The following PTH2R variants were observed in gnomAD, a reference collection of about 807,000 sequenced individuals.
The protein encoded by PTH2R is parathyroid hormone 2 receptor, also known as PTH2 receptor.
Under a neutral mutation model 60.3 loss-of-function variants are expected in PTH2R, and 59 were observed. That is an observed-to-expected ratio of 0.98 (90% confidence interval 0.79 to 1.22). PTH2R has a LOEUF of 1.22. Ranked by LOEUF, PTH2R falls within the 50% of genes most tolerant of loss-of-function variation. The probability of loss-of-function intolerance (pLI) is 0.00; values close to 1 mark genes in which losing one functional copy is unlikely to be tolerated. For missense variants in PTH2R, 749 were observed against 682.6 expected, an observed-to-expected ratio of 1.10 and a Z score of -1.08; for synonymous variants, 256 against 243.8, an observed-to-expected ratio of 1.05 and a Z score of -0.47.
intron 7 of PTH2R, among the ~76,000 whole-genome samples, chr2:208,449,534 A>T (rs901800485): frequency 3.2e-4 from 48 of 152,174 alleles, no homozygotes; most frequent in Non-Finnish European, 5.6e-4. Context: ...ATTTTGACAA[A>T]AAATTCCTAG....
chr2:208,486,882 A>T (rs1033234343), intron 10 of PTH2R, among the ~76,000 whole-genome samples: 7 of 152,226 alleles, frequency 4.6e-5, no homozygotes, highest in African/African-American at 1.7e-4. Flanking sequence ...AATAGGCTGT[A>T]GGTAACTCAA....
At chr2:208,456,848 A>G (rs1357709504) in intron 8 of PTH2R, among the ~76,000 whole-genome samples, 1 of 152,184 alleles carries the variant, frequency 6.6e-6, no homozygotes, top group Admixed American at 6.5e-5. Flanking sequence ...CATTAATAAC[A>G]TTTTCTTTAA....
intron 1 of PTH2R, among the ~76,000 whole-genome samples, chr2:208,423,738 A>G (rs77023954): frequency 0.01 from 1,571 of 152,116 alleles, 24 homozygotes; most frequent in African/African-American, 0.036. Context: ...CTTTCATTCT[A>G]TCAGTTTTTG....
chr2:208,362,333 TCTC>T (rs1050943191), intron 1 of PTH2R, among the ~76,000 whole-genome samples: 8 of 152,188 alleles, frequency 5.3e-5, no homozygotes, highest in South Asian at 4.1e-4. Flanking sequence ...CCATAATAAA[TCTC>T]CTCTTATGTA....
chr2:208,484,935 G>C (rs1245038849), intron 10 of PTH2R, among the ~76,000 whole-genome samples: 2 of 152,192 alleles, frequency 1.3e-5, no homozygotes, highest in African/African-American at 2.4e-5. Context: ...TTAATGGCCA[G>C]TAGTGTCATG....
intron 2 of PTH2R, among the ~76,000 whole-genome samples, chr2:208,434,183 G>A (rs1432129384): frequency 1.3e-5 from 2 of 151,986 alleles, no homozygotes; most frequent in Admixed American, 6.6e-5. Flanking sequence ...GTGTGGTGGC[G>A]GGTGCCTGTA....
intron 1 of PTH2R, among the ~76,000 whole-genome samples, chr2:208,394,921 A>G (rs1701178094): frequency 6.6e-6 from 1 of 152,180 alleles, no homozygotes; most frequent in African/African-American, 2.4e-5. Context: ...CAGGAACTGA[A>G]TGGCCATTTT....
At chr2:208,491,739 A>T (rs1379380142) in intron 12 of PTH2R, among the ~76,000 whole-genome samples, 1 of 150,250 alleles carries the variant, frequency 6.7e-6, no homozygotes, top group African/African-American at 2.4e-5. Context: ...GAATGTATTT[A>T]TTAGGACCCA....
intron 9 of PTH2R, among the ~76,000 whole-genome samples, chr2:208,470,894 G>C (rs1389512741): frequency 6.6e-6 from 1 of 152,142 alleles, no homozygotes; most frequent in Non-Finnish European, 1.5e-5. Context: ...ATAATGGTGT[G>C]GACAATGAAA....
intron 7 of PTH2R, among the ~76,000 whole-genome samples, chr2:208,447,504 C>T (rs1418739138): frequency 1.3e-5 from 2 of 151,382 alleles, no homozygotes; most frequent in Admixed American, 6.6e-5. Context: ...AGGAGAATGG[C>T]GTGAACCCAG....
At chr2:208,478,203 A>G (rs111383071) in intron 9 of PTH2R, among the ~76,000 whole-genome samples, 1 of 152,204 alleles carries the variant, frequency 6.6e-6, no homozygotes, top group African/African-American at 2.4e-5. Flanking sequence ...TCCTCCAGAT[A>G]GGCATCTTAT....
At chr2:208,372,878 A>T (rs966360143) in intron 1 of PTH2R, among the ~76,000 whole-genome samples, 1 of 152,060 alleles carries the variant, frequency 6.6e-6, no homozygotes, top group African/African-American at 2.4e-5. Context: ...TGAGCTCAGG[A>T]GTTCAAAACC....
chr2:208,490,124 G>A (rs2105912592), intron 11 of PTH2R, among the ~76,000 whole-genome samples: 1 of 151,890 alleles, frequency 6.6e-6, no homozygotes, highest in Non-Finnish European at 1.5e-5. Context: ...TTTTATCCAT[G>A]TCTCTTCCTT....
chr2:208,486,584 A>G (rs1407042485), intron 10 of PTH2R, among the ~76,000 whole-genome samples: 2 of 152,232 alleles, frequency 1.3e-5, no homozygotes, highest in African/African-American at 4.8e-5. Flanking sequence ...AGGAGGAAAT[A>G]TAATTTTTGT....
At chr2:208,395,670 A>AT (rs1339594528) in intron 1 of PTH2R, among the ~76,000 whole-genome samples, 2 of 152,208 alleles carry the variant, frequency 1.3e-5, no homozygotes, top group Non-Finnish European at 2.9e-5. Context: ...ATAGCTGAGG[A>AT]TTCTCTGCCA....
At chr2:208,451,793 C>G (rs573788858) in intron 8 of PTH2R, among the ~76,000 whole-genome samples, 73 of 152,144 alleles carry the variant, frequency 4.8e-4, no homozygotes, top group African/African-American at 1.8e-3. Flanking sequence ...TTTTAAAGTA[C>G]AAGAAAACAA....
At chr2:208,414,434 T>C (rs1701599261) in intron 1 of PTH2R, among the ~76,000 whole-genome samples, 1 of 152,150 alleles carries the variant, frequency 6.6e-6, no homozygotes, top group African/African-American at 2.4e-5. Flanking sequence ...ATATAATATA[T>C]CCTGCATGGT....
At chr2:208,465,085 C>T (rs1702716141) in intron 9 of PTH2R, among the ~76,000 whole-genome samples, 2 of 152,038 alleles carry the variant, frequency 1.3e-5, no homozygotes, top group African/African-American at 4.8e-5. Flanking sequence ...AAGTGATCCT[C>T]CTGCCTCAGC....
chr2:208,479,290 C>T (rs1046827223), intron 9 of PTH2R, among the ~76,000 whole-genome samples: 1 of 152,098 alleles, frequency 6.6e-6, no homozygotes, highest in African/African-American at 2.4e-5. Flanking sequence ...GGTCCTGGGT[C>T]TTTTAATAAG....
Sources: allele counts gnomAD v4.1 joint callset (sites outside exome capture counted in the v4.1 genomes callset), GRCh38; gene constraint gnomAD v4.1.1; transcripts MANE v1.5; gene names NCBI Gene and HGNC (gene_info 2026-07-23, HGNC 2026-07-21).